ADARB2: variants seen among roughly 807,000 people sequenced by gnomAD.
ADARB2 encodes inactive double-stranded RNA-specific editase B2.
In ADARB2, 25 loss-of-function variants were observed where a neutral mutation model predicts 62.2. That is an observed-to-expected ratio of 0.40 (90% CI 0.29 to 0.56). The LOEUF (loss-of-function observed/expected upper bound fraction) is 0.56, where lower values mean the gene tolerates loss of function less well. Among genes scored for constraint, ADARB2 ranks in the 20% least tolerant of loss-of-function variants. The pLI is 0.43. For missense variants in ADARB2, 1,071 were observed against 1,077.4 expected (o/e 0.99, Z 0.08); for synonymous variants, 572 against 500.8 (o/e 1.14, Z -1.90).
chr10:1,504,455 C>CGTGT (rs144150367), intron 1 of ADARB2, among the ~76,000 whole-genome samples: 23,482 of 152,164 alleles, frequency 0.15, 2,184 homozygotes, highest in Middle Eastern at 0.23. Flanking sequence ...ATTGCAGACA[C>CGTGT]GTGTGTACGC....
intron 8 of ADARB2, among the ~76,000 whole-genome samples, chr10:1,186,758 A>T (rs1836764838): frequency 6.6e-6 from 1 of 152,224 alleles, no homozygotes; most frequent in African/African-American, 2.4e-5. Context: ...GTCCCTGGGA[A>T]GCCACTGGCT....
intron 1 of ADARB2, among the ~76,000 whole-genome samples, chr10:1,468,425 G>A (rs992726991): frequency 1.9e-4 from 29 of 152,204 alleles, no homozygotes; most frequent in Admixed American, 1.6e-3. Flanking sequence ...ACGGGGAGAT[G>A]CTACCTAGTG....
intron 1 of ADARB2, among the ~76,000 whole-genome samples, chr10:1,533,222 G>T (rs142998734): frequency 1.3e-5 from 2 of 151,064 alleles, no homozygotes; most frequent in African/African-American, 4.9e-5. Context: ...TGGTTCGAGC[G>T]ATTCTCCTGA....
intron 1 of ADARB2, among the ~76,000 whole-genome samples, chr10:1,566,101 A>C (rs12244468): frequency 5.9e-5 from 5 of 84,602 alleles, no homozygotes; most frequent in African/African-American, 2.1e-4. Flanking sequence ...AAAAAAAAAA[A>C]AAAAAAAAAC....
intron 1 of ADARB2, among the ~76,000 whole-genome samples, chr10:1,400,985 A>C (rs11592576): frequency 0.49 from 74,370 of 151,986 alleles, 19,476 homozygotes; most frequent in East Asian, 0.67. Flanking sequence ...CACTGTCTCC[A>C]CCGGAACCTT....
At chr10:1,592,384 T>C (rs7916743) in intron 1 of ADARB2, among the ~76,000 whole-genome samples, 1,900 of 15,422 alleles carry the variant, frequency 0.12, 14 homozygotes, top group East Asian at 0.17. Flanking sequence ...CCCAGCTCCC[T>C]TCGCCCAAGC....
At chr10:1,643,666 T>C (rs1403689102) in intron 1 of ADARB2, among the ~76,000 whole-genome samples, 1 of 152,214 alleles carries the variant, frequency 6.6e-6, no homozygotes, top group Non-Finnish European at 1.5e-5. Context: ...AGCTCCTGGT[T>C]CCCTATCCCT....
intron 7 of ADARB2, among the ~76,000 whole-genome samples, chr10:1,213,552 A>G (rs1483965765): frequency 6.6e-6 from 1 of 152,154 alleles, no homozygotes; most frequent in Non-Finnish European, 1.5e-5. Flanking sequence ...GGGATGAAGC[A>G]CTTGTGAATG....
chr10:1,529,999 T>A (rs1347789164), intron 1 of ADARB2, among the ~76,000 whole-genome samples: 3 of 151,200 alleles, frequency 2.0e-5, no homozygotes, highest in African/African-American at 7.3e-5. Flanking sequence ...TGGGCACCCG[T>A]CAACTGTCCC....
At chr10:1,603,953 C>T (rs1213681786) in intron 1 of ADARB2, among the ~76,000 whole-genome samples, 2 of 151,996 alleles carry the variant, frequency 1.3e-5, no homozygotes, top group South Asian at 2.1e-4. Context: ...TACAGGTGCA[C>T]ACCATCATGC....
At position 1,598,319 on chromosome 10, in the gene ADARB2, G is replaced by T. The variant is rs556093334; in HGVS notation, c.100+138732C>A. ...GGTGCACTGAGACATCCCCTGCTGGGTGCCCTGCTCACAATTCCAGAGGTG... is the reference window on the plus strand; with the variant it reads ...GGTGCACTGAGACATCCCCTGCTGGTTGCCCTGCTCACAATTCCAGAGGTG... On this transcript the variant is annotated intron_variant, in intron 1 of 9. Coordinates refer to ENST00000381312, the MANE Select transcript of ADARB2 (RefSeq NM_018702.4). Among the ~76,000 whole-genome samples the T allele has an allele frequency of 2.0e-5, 3 of 151,948 alleles. No homozygotes were observed. In the East Asian group the frequency reaches 5.8e-4, roughly 29 times the overall value.
chr10:1,527,950 A>G (rs966609906), intron 1 of ADARB2, among the ~76,000 whole-genome samples: 6 of 152,242 alleles, frequency 3.9e-5, no homozygotes, highest in Admixed American at 1.3e-4. Flanking sequence ...ATGCCATTGA[A>G]CTGAACGTTA....
chr10:1,694,964 G>A (rs912714072), intron 1 of ADARB2, among the ~76,000 whole-genome samples: 25 of 152,190 alleles, frequency 1.6e-4, no homozygotes, highest in Admixed American at 1.3e-3. Flanking sequence ...CTCCACGCCT[G>A]CACCGGGAGG....
intron 3 of ADARB2, among the ~76,000 whole-genome samples, chr10:1,300,208 C>G (rs1431583715): frequency 6.6e-6 from 1 of 152,270 alleles, no homozygotes; most frequent in African/African-American, 2.4e-5. Flanking sequence ...TGTCTTCCTT[C>G]CAAACCCTTT....
rs527387019 is a variant in ADARB2 at position 1,352,979 on chromosome 10, A to G, written c.1077+10049T>C. ...CACACCAGGAAAGGCAGGCTATACT[A>G]TAGTACAAGCCACCAGCCCTCCTCT... On this transcript the variant is annotated intron_variant, in intron 3 of 9. Transcript: ENST00000381312. Among the ~76,000 whole-genome samples the G allele has an allele frequency of 5.3e-5, 8 of 152,262 alleles. 1 individual carries two copies. In the South Asian group the frequency reaches 1.7e-3, roughly 32 times the overall value.
At chr10:1,189,417 C>T (rs541329003) in intron 8 of ADARB2, among the ~76,000 whole-genome samples, 155 of 152,184 alleles carry the variant, frequency 1.0e-3, no homozygotes, top group Non-Finnish European at 1.9e-3. Context: ...TAAACTTTAA[C>T]TCAGCTGGAT....
chr10:1,223,020 T>C (rs1004649957), intron 6 of ADARB2, among the ~76,000 whole-genome samples: 8 of 152,212 alleles, frequency 5.3e-5, no homozygotes, highest in African/African-American at 1.4e-4. Flanking sequence ...ATGGCCTTTT[T>C]CACGATATTG....
chr10:1,544,605 G>C (rs989135697), intron 1 of ADARB2, among the ~76,000 whole-genome samples: 7 of 152,134 alleles, frequency 4.6e-5, no homozygotes, highest in African/African-American at 1.4e-4. Flanking sequence ...GGCCTGGACA[G>C]GGGGTACAGG....
chr10:1,630,841 G>T (rs994617955), intron 1 of ADARB2, among the ~76,000 whole-genome samples: 4 of 152,062 alleles, frequency 2.6e-5, no homozygotes, highest in Non-Finnish European at 5.9e-5. Context: ...TGTAGTCCCA[G>T]ATACTCAGGA....
Sources: allele counts gnomAD v4.1 joint callset (sites outside exome capture counted in the v4.1 genomes callset), GRCh38; gene constraint gnomAD v4.1.1; transcripts MANE v1.5; gene names NCBI Gene and HGNC (gene_info 2026-07-23, HGNC 2026-07-21).